CTCF: variants seen among roughly 807,000 people sequenced by gnomAD.
CTCF encodes CCCTC-binding factor, also known as transcriptional repressor CTCF.
CTCF carries 7 observed loss-of-function variants against 72.3 expected under a neutral mutation model. The ratio of observed to expected loss-of-function variants is 0.10; its 90% confidence interval spans 0.06 to 0.18. The LOEUF (loss-of-function observed/expected upper bound fraction) is 0.18. Among genes scored for constraint, CTCF ranks in the 10% least tolerant of loss-of-function variants. The probability of loss-of-function intolerance (pLI) is 1.00; values close to 1 mark genes in which losing one functional copy is unlikely to be tolerated. For synonymous variants in CTCF, 374 were observed against 315.8 expected (o/e 1.18, Z -1.95); for missense variants, 516 against 949.1 (o/e 0.54, Z 6.00).
At chr16:67,624,078 T>TGG (rs2052243773) in intron 7 of CTCF, among the ~76,000 whole-genome samples, 2 of 87,478 alleles carry the variant, frequency 2.3e-5, no homozygotes, top group African/African-American at 4.7e-5. Context: ...TATATGTGTG[T>TGG]GTGTGTGTGT....
At chr16:67,606,693 A>C (rs1313472403) in intron 2 of CTCF, among the ~76,000 whole-genome samples, 2 of 152,114 alleles carry the variant, frequency 1.3e-5, no homozygotes, top group Non-Finnish European at 2.9e-5. Context: ...TAGAACTAAC[A>C]AAAGCTTCGT....
At chr16:67,629,170 A>T (rs1461425297) in intron 9 of CTCF, among the ~76,000 whole-genome samples, 1 of 151,184 alleles carries the variant, frequency 6.6e-6, no homozygotes, top group East Asian at 1.9e-4. Flanking sequence ...ATCTTGACAG[A>T]ACTAAGAGCT....
chr16:67,589,929 A>G (rs1018848739), intron 2 of CTCF, among the ~76,000 whole-genome samples: 1 of 152,110 alleles, frequency 6.6e-6, no homozygotes, highest in Non-Finnish European at 1.5e-5. Context: ...TCTACTAAAA[A>G]TACAAAAATT....
At chr16:67,609,392 ACTACATGTGT>A (rs1339969696) in intron 2 of CTCF, among the ~76,000 whole-genome samples, 6 of 152,144 alleles carry the variant, frequency 3.9e-5, no homozygotes, top group Admixed American at 2.0e-4. Context: ...TGTCTTCCCC[ACTACATGTGT>A]AAGATTTAAA....
At chr16:67,581,782 C>T (rs532657026) in intron 2 of CTCF, among the ~76,000 whole-genome samples, 3 of 152,088 alleles carry the variant, frequency 2.0e-5, no homozygotes, top group South Asian at 2.1e-4. Flanking sequence ...GGATTACAGA[C>T]GTGAGCCATA....
In CTCF at chr16:67,638,318, CT is replaced by C. The variant is rs11325766; in HGVS notation, c.*449del. 6,350 of 230,102 alleles carry C rather than the reference CT, an allele frequency of 0.028. 381 individuals carry two copies. The highest frequency in any genetic ancestry group is 0.13 in the African/African-American group (5,772 of 45,030). The allele number at this position is 230,102 out of a possible 1,614,324, so 14.3% of individuals were successfully genotyped here. Reference sequence around the variant, plus strand: ...TTTGCTTTTGCTTTTCCCTGACTCCCTTTGCTTGGAGTCAGCTGCACACCAG... The same window carrying C: ...TTTGCTTTTGCTTTTCCCTGACTCCCTTGCTTGGAGTCAGCTGCACACCAG... On this transcript the variant is annotated 3_prime_UTR_variant, in exon 12 of 12. Coordinates refer to ENST00000264010, the MANE Select transcript of CTCF (RefSeq NM_006565.4).
chr16:67,599,441 GC>G (rs2142785965), intron 2 of CTCF, among the ~76,000 whole-genome samples: 1 of 152,176 alleles, frequency 6.6e-6, no homozygotes, highest in African/African-American at 2.4e-5. Context: ...ACTGATCCAT[GC>G]CCCCTAAGGA....
At chr16:67,593,044 A>G (rs1406393073) in intron 2 of CTCF, among the ~76,000 whole-genome samples, 1 of 149,308 alleles carries the variant, frequency 6.7e-6, no homozygotes, top group East Asian at 1.9e-4. Flanking sequence ...AAATTTATAT[A>G]TATATGTATA....
At chr16:67,567,890 CTTTTTTTTTTTTTT>C in intron 1 of CTCF, 1 of 55,410 alleles carries the variant, frequency 1.8e-5, no homozygotes, top group Non-Finnish European at 3.0e-5. Flanking sequence ...CCATACTCGG[CTTTTTTTTTTTTTT>C]TTTTTTTTTT....
At chr16:67,630,955 T>C (rs1310274801) in intron 10 of CTCF, among the ~76,000 whole-genome samples, 1 of 151,656 alleles carries the variant, frequency 6.6e-6, no homozygotes, top group East Asian at 1.9e-4. Context: ...TGGTAGAGAG[T>C]TTGGTTTTAG....
At chr16:67,596,796 C>T (rs1030011179) in intron 2 of CTCF, among the ~76,000 whole-genome samples, 9 of 151,940 alleles carry the variant, frequency 5.9e-5, no homozygotes, top group African/African-American at 1.9e-4. Flanking sequence ...CCGTGTTGGC[C>T]AGACTGGTCT....
intron 2 of CTCF, among the ~76,000 whole-genome samples, chr16:67,595,540 A>T (rs971728600): frequency 1.3e-5 from 2 of 151,928 alleles, no homozygotes; most frequent in Non-Finnish European, 2.9e-5. Context: ...TGAGTTAACC[A>T]TGTTGAATGT....
intron 2 of CTCF, among the ~76,000 whole-genome samples, chr16:67,576,216 A>T (rs1426388880): frequency 6.6e-6 from 1 of 151,840 alleles, no homozygotes; most frequent in African/African-American, 2.4e-5. Context: ...TAATAGCATA[A>T]TACCAAAAAG....
In CTCF at chr16:67,581,793, G is replaced by A. The variant is rs1233727235; in HGVS notation, c.-10+10529G>A. Among the ~76,000 whole-genome samples the A allele has an allele frequency of 3.9e-5, 6 of 152,064 alleles. No individual in the cohort carries two copies. The East Asian group carries it at 9.7e-4, about 24-fold the overall frequency. ...GTTGGGATTACAGACGTGAGCCATA[G>A]CACACAGCGCTAATTTTTGTGTTTT... On this transcript the variant is annotated intron_variant, in intron 2 of 11. Transcript: ENST00000264010.
intron 2 of CTCF, among the ~76,000 whole-genome samples, chr16:67,577,090 T>C (rs1197013309): frequency 1.3e-5 from 2 of 152,044 alleles, no homozygotes; most frequent in African/African-American, 4.8e-5. Context: ...GGGAATGCAG[T>C]ACAGTAGGAA....
chr16:67,632,341 A>G (rs1158600526), intron 10 of CTCF, among the ~76,000 whole-genome samples: 9 of 152,174 alleles, frequency 5.9e-5, no homozygotes, highest in Admixed American at 5.9e-4. Flanking sequence ...TCTTTAGTCA[A>G]AAGAGATTAT....
intron 1 of CTCF, among the ~76,000 whole-genome samples, chr16:67,569,632 A>G (rs1435929880): frequency 2.6e-5 from 4 of 151,484 alleles, no homozygotes; most frequent in Non-Finnish European, 5.9e-5. Context: ...AAACTGTTTC[A>G]TTGCTATGCT....
chr16:67,602,650 T>G (rs545064915), intron 2 of CTCF, among the ~76,000 whole-genome samples: 1 of 152,130 alleles, frequency 6.6e-6, no homozygotes, highest in East Asian at 1.9e-4. Context: ...AAGACCAGCC[T>G]GACCAACATG....
At chr16:67,615,355 C>T (rs569301430) in intron 4 of CTCF, 1 of 152,450 alleles carries the variant, frequency 6.6e-6, no homozygotes, top group African/African-American at 2.4e-5. Flanking sequence ...TGGCTCACAA[C>T]CTGTAATCTC....
Sources: gnomAD v4.1 joint callset for allele counts (sites outside exome capture counted in the v4.1 genomes callset) on GRCh38, gnomAD v4.1.1 for gene constraint, MANE v1.5 for transcripts, NCBI Gene and HGNC (gene_info 2026-07-23, HGNC 2026-07-21) for gene names.